The following OTUD7A variants were observed in gnomAD, a reference collection of about 807,000 sequenced individuals.
OTUD7A encodes OTU deubiquitinase 7A.
In OTUD7A, 12 loss-of-function variants were observed where a neutral mutation model predicts 65.7. The observed-to-expected ratio is 0.18, with a 90% CI of 0.12 to 0.30. The LOEUF (loss-of-function observed/expected upper bound fraction) is 0.30. Among genes scored for constraint, OTUD7A ranks in the 10% least tolerant of loss-of-function variants. The probability of loss-of-function intolerance (pLI) is 1.00; values close to 1 mark genes in which losing one functional copy is unlikely to be tolerated. For synonymous variants in OTUD7A, 641 were observed against 586.3 expected, an observed-to-expected ratio of 1.09 and a Z score of -1.35; for missense variants, 1,148 against 1,304.8, an observed-to-expected ratio of 0.88 and a Z score of 1.85.
At chr15:31,506,003 G>T (rs986743649) in intron 8 of OTUD7A, among the ~76,000 whole-genome samples, 6 of 151,934 alleles carry the variant, frequency 3.9e-5, no homozygotes, top group African/African-American at 1.5e-4. Flanking sequence ...CTCCCAAAGT[G>T]CTGGGATTAC....
chr15:31,831,679 G>C (rs1365293346), intron 1 of OTUD7A, among the ~76,000 whole-genome samples: 1 of 152,244 alleles, frequency 6.6e-6, no homozygotes, highest in Non-Finnish European at 1.5e-5. Flanking sequence ...AGAAAGCCTT[G>C]TACAAGAACG....
intron 1 of OTUD7A, among the ~76,000 whole-genome samples, chr15:31,786,917 C>T (rs1895689449): frequency 6.6e-6 from 1 of 152,128 alleles, no homozygotes; most frequent in Admixed American, 6.5e-5. Context: ...TGTCGTTCTA[C>T]AAAACAAAGA....
At chr15:31,544,040 T>C (rs566224659) in intron 5 of OTUD7A, among the ~76,000 whole-genome samples, 1 of 151,980 alleles carries the variant, frequency 6.6e-6, no homozygotes, top group African/African-American at 2.4e-5. Context: ...CAATGCTTTT[T>C]GTCCACAATG....
chr15:31,865,346 C>G (rs1415853976), intron 1 of OTUD7A, among the ~76,000 whole-genome samples: 1 of 152,064 alleles, frequency 6.6e-6, no homozygotes, highest in Admixed American at 6.5e-5. Context: ...GGGCTGCAAC[C>G]ATGGTATGGT....
intron 6 of OTUD7A, among the ~76,000 whole-genome samples, chr15:31,529,054 T>G (rs1203241011): frequency 2.6e-5 from 4 of 152,206 alleles, no homozygotes; most frequent in Non-Finnish European, 2.9e-5. Flanking sequence ...GGAGGCCCAC[T>G]GTGCTCACAG....
At chr15:31,837,782 A>T (rs1235098444) in intron 1 of OTUD7A, among the ~76,000 whole-genome samples, 1 of 152,242 alleles carries the variant, frequency 6.6e-6, no homozygotes, top group African/African-American at 2.4e-5. Flanking sequence ...AGCTTAATCT[A>T]AAATATTTAT....
intron 8 of OTUD7A, among the ~76,000 whole-genome samples, chr15:31,504,387 GT>G (rs1386978029): frequency 2.0e-5 from 3 of 152,160 alleles, no homozygotes; most frequent in Non-Finnish European, 4.4e-5. Context: ...TGCAGCCCAG[GT>G]GGCCCAGACC....
intron 8 of OTUD7A, among the ~76,000 whole-genome samples, chr15:31,520,968 T>C (rs1185478104): frequency 2.0e-5 from 3 of 152,200 alleles, no homozygotes; most frequent in Non-Finnish European, 2.9e-5. Flanking sequence ...TGGAATCCTG[T>C]CTTTTGCAGC....
intron 3 of OTUD7A, among the ~76,000 whole-genome samples, chr15:31,615,494 C>T (rs1015324232): frequency 3.9e-5 from 6 of 152,124 alleles, no homozygotes; most frequent in African/African-American, 9.7e-5. Flanking sequence ...TACAAGTCCA[C>T]GATCATAGTT....
At chr15:31,661,281 C>A (rs1892158123) in intron 1 of OTUD7A, among the ~76,000 whole-genome samples, 1 of 152,156 alleles carries the variant, frequency 6.6e-6, no homozygotes, top group Admixed American at 6.5e-5. Flanking sequence ...AAATGATATA[C>A]TCATCAATGA....
chr15:31,776,277 G>A (rs147660238), intron 1 of OTUD7A, among the ~76,000 whole-genome samples: 20 of 152,308 alleles, frequency 1.3e-4, no homozygotes, highest in East Asian at 9.7e-4. Flanking sequence ...TCCAGATAGC[G>A]ACACATGTAC....
Position 31,484,410 on chromosome 15 carries a change from G to A in OTUD7A, c.1686C>T (p.Asp562=), listed in dbSNP as rs2141061222. The A allele has an allele frequency of 6.2e-7, 1 of 1,601,984 alleles. No individual in the cohort carries two copies. Among genetic ancestry groups the A allele is most frequent in the South Asian group, 1.1e-5 (1 of 91,066 alleles). Residue 562 remains aspartate (D), a synonymous_variant, in exon 13 of 13, where the codon GAC becomes GAT. Transcript: ENST00000307050. The surrounding 1 kb of genome is among the most constrained non-coding windows in gnomAD (Gnocchi z 4.5). Reference sequence around the variant, plus strand: ...TCTTCTCCTTGCCCCGCTCGGCCGAGTCCCCGTTCTTGCCATTGGCGGAGT... The same window carrying A: ...TCTTCTCCTTGCCCCGCTCGGCCGAATCCCCGTTCTTGCCATTGGCGGAGT... ...RANSANGKNG[D]SAERGKEKKA...
chr15:31,549,964 G>T (rs984248360), intron 5 of OTUD7A, among the ~76,000 whole-genome samples: 1 of 152,042 alleles, frequency 6.6e-6, no homozygotes, highest in African/African-American at 2.4e-5. Context: ...GCTGGGTTTG[G>T]TGGTGGGCAC....
intron 1 of OTUD7A, among the ~76,000 whole-genome samples, chr15:31,724,391 T>C (rs1219225694): frequency 6.6e-6 from 1 of 152,232 alleles, no homozygotes; most frequent in Non-Finnish European, 1.5e-5. Flanking sequence ...CTTTAATGCA[T>C]CTGGAAGTAA....
rs541304035 is a variant in OTUD7A, at chr15:31,648,933, G to T, written c.151+6163C>A. Among the ~76,000 whole-genome samples, 8 of 152,210 alleles carry T rather than the reference G, an allele frequency of 5.3e-5. No individual in the cohort carries two copies. The East Asian group carries it at 1.3e-3, about 26-fold the overall frequency. Reference sequence around the variant, plus strand: ...ATGCCACCACACCCAGCTAATTTTTGTATTTGTAGGAGAGACAGGGTTTCA... The same window carrying T: ...ATGCCACCACACCCAGCTAATTTTTTTATTTGTAGGAGAGACAGGGTTTCA... On this transcript the variant is annotated intron_variant, in intron 3 of 12. Transcript: ENST00000307050.
At chr15:31,585,617 C>G (rs562815414) in intron 3 of OTUD7A, among the ~76,000 whole-genome samples, 1 of 152,352 alleles carries the variant, frequency 6.6e-6, no homozygotes, top group East Asian at 1.9e-4. Flanking sequence ...CTGCCCTTCA[C>G]TCCTCTACCC....
intron 5 of OTUD7A, among the ~76,000 whole-genome samples, chr15:31,536,815 A>G (rs1887816765): frequency 6.6e-6 from 1 of 152,210 alleles, no homozygotes; most frequent in Admixed American, 6.5e-5. Context: ...GAGAGTGCAA[A>G]GACAGATACC....
chr15:31,514,038 TTTCTTTCTTTCTTTCTTTC>T (rs1174678222), intron 8 of OTUD7A, among the ~76,000 whole-genome samples: 1 of 140,130 alleles, frequency 7.1e-6, no homozygotes, highest in Admixed American at 7.4e-5. Flanking sequence ...CTTTTTTTCT[TTTCTTTCTTTCTTTCTTTC>T]TTTTTTTTTT....
intron 1 of OTUD7A, among the ~76,000 whole-genome samples, chr15:31,850,554 T>TATA (rs71113425): frequency 0.32 from 48,191 of 150,202 alleles, 8,190 homozygotes; most frequent in South Asian, 0.55. Flanking sequence ...AAACTTAAAG[T>TATA]ATAATAATAA....
Sources: gnomAD v4.1 joint callset for allele counts (sites outside exome capture counted in the v4.1 genomes callset) on GRCh38, gnomAD v4.1.1 for gene constraint, Gnocchi (gnomAD v3.1) non-coding constraint, MANE v1.5 for transcripts, NCBI Gene and HGNC (gene_info 2026-07-23, HGNC 2026-07-21) for gene names.